Variants in CHID1 observed in about 807,000 individuals in gnomAD.
CHID1 encodes the protein chitinase domain-containing protein 1.
Under a neutral mutation model 55.4 loss-of-function variants are expected in CHID1, and 44 were observed. That is an observed-to-expected ratio of 0.79 (90% CI 0.62 to 1.02). The LOEUF is 1.02. Ranked by LOEUF, CHID1 falls within the 50% of genes least tolerant of loss-of-function variation. CHID1 has a pLI of 0.00. For synonymous variants in CHID1, 216 were observed against 212.9 expected (o/e 1.01, Z -0.13); for missense variants, 491 against 515.3 (o/e 0.95, Z 0.46).
rs114417715 is a variant in CHID1, at chr11:900,152, A to G, written c.440-42T>C. 7.9e-4 allele frequency: 1,187 copies of G among 1,496,616 alleles called. 12 individuals are homozygous for G. The African/African-American group carries it at 0.014, about 18-fold the overall frequency. The allele number at this position is 1,496,616 out of a possible 1,614,324, so 92.7% of individuals were successfully genotyped here. The stretch of plus-strand genomic sequence containing the variant: ...CACACACGGGGGCCGTGACTGGGAG[A>G]TGCTGGAGGGCCCCTGCTGTTTGCT... On this transcript the variant is annotated intron_variant, in intron 5 of 12. Coordinates refer to ENST00000323578, the MANE Select transcript of CHID1 (RefSeq NM_023947.4).
chr11:893,852 C>G (rs1349363974), intron 7 of CHID1, among the ~76,000 whole-genome samples: 5 of 151,564 alleles, frequency 3.3e-5, no homozygotes, highest in African/African-American at 7.3e-5. Flanking sequence ...AAAAAAAAAG[C>G]TGGGCACGGT....
intron 10 of CHID1, among the ~76,000 whole-genome samples, chr11:880,469 G>A (rs1849833709): frequency 6.6e-6 from 1 of 152,212 alleles, no homozygotes; most frequent in Non-Finnish European, 1.5e-5. Context: ...AGAGTGTCGG[G>A]GGAAAGCCTC....
Position 871,049 on chromosome 11 carries a change from C to T in CHID1, c.960-550G>A, listed in dbSNP as rs114215004. ...TCTGTCGCCCAGGCTGGTGTACAGT[C>T]GTGCGATCTTGGTTCACTGCAACCT... On this transcript the variant is annotated intron_variant, in intron 10 of 12. Coordinates refer to ENST00000323578, the MANE Select transcript of CHID1 (RefSeq NM_023947.4). Among the ~76,000 whole-genome samples the T allele has an allele frequency of 2.1e-3, 305 of 147,382 alleles. 1 individual carries two copies. Among genetic ancestry groups the T allele is most frequent in the African/African-American group, 7.4e-3 (294 of 39,682 alleles).
chr11:871,996 C>CG (rs142090055), intron 10 of CHID1, among the ~76,000 whole-genome samples: 1 of 152,222 alleles, frequency 6.6e-6, no homozygotes, highest in African/African-American at 2.4e-5. Context: ...GCAGCTGCCA[C>CG]CCCCCCAGCA....
chr11:914,430 G>A, upstream of CHID1: 1 of 909,812 alleles, frequency 1.1e-6, no homozygotes, highest in Non-Finnish European at 1.5e-6. Context: ...GGACAGAGTA[G>A]GGCAGGGGCA....
At chr11:890,884 C>T (rs930175301) in intron 8 of CHID1, among the ~76,000 whole-genome samples, 20 of 152,216 alleles carry the variant, frequency 1.3e-4, no homozygotes, top group East Asian at 7.8e-4. Flanking sequence ...TGGCATTTGG[C>T]GACTGGGGTG....
intron 10 of CHID1, among the ~76,000 whole-genome samples, chr11:878,670 T>C (rs1849679752): frequency 6.6e-6 from 1 of 152,070 alleles, no homozygotes; most frequent in African/African-American, 2.4e-5. Context: ...TGCCTCAGAG[T>C]AGCACTATAT....
chr11:870,604 G>A (rs1192206026), intron 10 of CHID1, 105 bp from the exon 11 acceptor site: 6 of 777,892 alleles, frequency 7.7e-6, no homozygotes, highest in Non-Finnish European at 1.1e-5. Flanking sequence ...GCCACTCGGG[G>A]CAGCCACTGT....
intron 8 of CHID1, among the ~76,000 whole-genome samples, chr11:891,383 C>T (rs113464001): frequency 5.3e-5 from 8 of 152,334 alleles, no homozygotes; most frequent in African/African-American, 1.7e-4. Context: ...CCCCCACCAG[C>T]GCCATGCAAA....
At chr11:896,456 C>A (rs1565190723) in intron 7 of CHID1, among the ~76,000 whole-genome samples, 2 of 136,244 alleles carry the variant, frequency 1.5e-5, no homozygotes, top group East Asian at 2.3e-4. Flanking sequence ...CCACCCCAGA[C>A]ACAAGGCTGT....
In CHID1 at chr11:872,686, C is replaced by T. The variant is rs1286914831; in HGVS notation, c.960-2187G>A. ...TCTAAAATTACTGCATTATCCTTAA[C>T]TGAAACACCACTCAAGGTGTTGTTG... On this transcript the variant is annotated intron_variant, in intron 10 of 12. Coordinates refer to ENST00000323578, the MANE Select transcript of CHID1 (RefSeq NM_023947.4). Among the ~76,000 whole-genome samples, 3 of 152,256 alleles carry T rather than the reference C, an allele frequency of 2.0e-5. No homozygotes were observed. The South Asian group carries it at 6.2e-4, about 32-fold the overall frequency.
rs900737216 is a variant in CHID1, at chr11:867,933, C to A, written c.*1925G>T. 6.6e-6 allele frequency: 1 copy of A among 152,132 alleles called. No individual in the cohort carries two copies. The highest frequency in any genetic ancestry group is 1.5e-5 in the Non-Finnish European group (1 of 68,032). 9.4% of individuals were successfully genotyped at this position (152,132 alleles called of 1,614,324 possible). ...CCAGGGGTGAGGGTTGTGTGGGGAC[C>A]CTGGCCACAGGGATGACGGTCAGTT... On this transcript the variant is annotated 3_prime_UTR_variant, in exon 13 of 13. Coordinates refer to ENST00000323578, the MANE Select transcript of CHID1 (RefSeq NM_023947.4).
At chr11:876,703 C>T (rs1169022556) in intron 10 of CHID1, among the ~76,000 whole-genome samples, 3 of 152,236 alleles carry the variant, frequency 2.0e-5, no homozygotes, top group Non-Finnish European at 2.9e-5. Flanking sequence ...AGCACTCTCT[C>T]GGCCGGCTCG....
At chr11:902,443 A>G in intron 3 of CHID1, 113 bp from the exon 4 acceptor site, 3 of 1,214,514 alleles carry the variant, frequency 2.5e-6, no homozygotes, top group South Asian at 1.4e-5. Context: ...GCGTAGACAG[A>G]TACCAGCCCG....
At chr11:909,219 A>G (rs1197174703) in intron 1 of CHID1, among the ~76,000 whole-genome samples, 7 of 151,936 alleles carry the variant, frequency 4.6e-5, no homozygotes, top group Non-Finnish European at 1.0e-4. Flanking sequence ...CCGTGAGGAC[A>G]CTCTCCATCA....
chr11:910,628 C>G (rs1852599597), intron 1 of CHID1, 147 bp downstream of exon 1: 1 of 1,264,202 alleles, frequency 7.9e-7, no homozygotes, highest in African/African-American at 1.6e-5. Context: ...CACACTTGCT[C>G]TCTCTCACGC....
intron 10 of CHID1, among the ~76,000 whole-genome samples, chr11:876,145 G>A (rs1297967356): frequency 6.6e-6 from 1 of 152,200 alleles, no homozygotes; most frequent in Admixed American, 6.5e-5. Context: ...CTCAGCAGGA[G>A]CCGGCACAGG....
chr11:890,084 C>T (rs1850692882), intron 8 of CHID1, among the ~76,000 whole-genome samples: 1 of 152,234 alleles, frequency 6.6e-6, no homozygotes, highest in African/African-American at 2.4e-5. Context: ...CGTCCTCGCC[C>T]CCTCACGATG....
At chr11:893,901 G>A (rs1269293699) in intron 7 of CHID1, among the ~76,000 whole-genome samples, 1 of 151,884 alleles carries the variant, frequency 6.6e-6, no homozygotes, top group African/African-American at 2.4e-5. Context: ...GGAGGCCGAG[G>A]TGGGCAGTCA....
Sources: gnomAD v4.1 joint callset for allele counts (sites outside exome capture counted in the v4.1 genomes callset) on GRCh38, gnomAD v4.1.1 for gene constraint, MANE v1.5 for transcripts, NCBI Gene and HGNC (gene_info 2026-07-23, HGNC 2026-07-21) for gene names.